FSTL4: variants seen among roughly 807,000 people sequenced by gnomAD.
The protein encoded by FSTL4 is follistatin-related protein 4.
In FSTL4, 28 loss-of-function variants were observed where a neutral mutation model predicts 78.2. The ratio of observed to expected loss-of-function variants is 0.36; its 90% CI spans 0.27 to 0.49. FSTL4 has a LOEUF of 0.49. Among genes scored for constraint, FSTL4 ranks in the 20% least tolerant of loss-of-function variants. The pLI is 0.98. For missense variants in FSTL4, 922 were observed against 1,084.9 expected (o/e 0.85, Z 2.11); for synonymous variants, 422 against 440.5 (o/e 0.96, Z 0.53).
chr5:133,338,670 A>G lies in FSTL4; in HGVS notation c.410-22018T>C, dbSNP rs1480975051. 1.3e-5 allele frequency among the ~76,000 whole-genome samples: 2 copies of G among 151,928 alleles called. No homozygotes were observed. The highest frequency in any genetic ancestry group is 4.8e-5 in the African/African-American group (2 of 41,332). On this transcript the variant is annotated intron_variant, in intron 4 of 15. Transcript: ENST00000265342. The surrounding 1 kb of genome is among the most constrained non-coding windows in gnomAD (Gnocchi z 4.0). ...GCCTGACATTTCCCCACATTGTCCC[A>G]CAGGCCCCTCAACTCAACATGGCCC...
intron 3 of FSTL4, among the ~76,000 whole-genome samples, chr5:133,421,930 A>G (rs1756705144): frequency 6.6e-6 from 1 of 152,206 alleles, no homozygotes; most frequent in Admixed American, 6.5e-5. Context: ...CCATGAAGAA[A>G]AAGAAAACTA....
the FSTL4 span, among the ~76,000 whole-genome samples, chr5:133,658,143 T>C: frequency 6.6e-6 from 1 of 152,182 alleles, no homozygotes; most frequent in Non-Finnish European, 1.5e-5. Flanking sequence ...CTTGATTGCA[T>C]GTTTTAAAAG....
chr5:133,825,929 C>T, the FSTL4 span, among the ~76,000 whole-genome samples: 6 of 152,236 alleles, frequency 3.9e-5, no homozygotes, highest in African/African-American at 9.6e-5. Flanking sequence ...AACCCATCCC[C>T]GGCTGCTATT....
chr5:133,614,977 A>G (rs1187022174), upstream of FSTL4, among the ~76,000 whole-genome samples: 1 of 151,668 alleles, frequency 6.6e-6, no homozygotes, highest in Non-Finnish European at 1.5e-5. Flanking sequence ...TCTATTTCTA[A>G]TCCTTACCAA....
intron 3 of FSTL4, among the ~76,000 whole-genome samples, chr5:133,501,490 A>C (rs1039804229): frequency 6.6e-6 from 1 of 152,060 alleles, no homozygotes; most frequent in African/African-American, 2.4e-5. Context: ...AATACTCAAA[A>C]CTGGAGGAAG....
chr5:133,533,133 TCATGATGTAGCTTTCACAATCTA>T (rs1759288996), intron 3 of FSTL4, among the ~76,000 whole-genome samples: 1 of 152,188 alleles, frequency 6.6e-6, no homozygotes, highest in Non-Finnish European at 1.5e-5. Context: ...ATCCTCATGG[TCATGATGTAGCTTTCACAATCTA>T]CATGATGTAG....
At chr5:133,333,534 T>A (rs1321777415) in intron 4 of FSTL4, among the ~76,000 whole-genome samples, 6 of 152,342 alleles carry the variant, frequency 3.9e-5, no homozygotes, top group Non-Finnish European at 8.8e-5. Flanking sequence ...ACTAACACAC[T>A]GGCACATCCT....
chr5:133,814,208 C>T, the FSTL4 span, among the ~76,000 whole-genome samples: 1 of 152,158 alleles, frequency 6.6e-6, no homozygotes, highest in Non-Finnish European at 1.5e-5. Flanking sequence ...TGAGTTTTTC[C>T]TGAGGGCTGG....
At position 133,236,414 on chromosome 5, in the gene FSTL4, C is replaced by T. The variant is rs529919245; in HGVS notation, c.895-2877G>A. 3.9e-4 allele frequency among the ~76,000 whole-genome samples: 58 copies of T among 147,344 alleles called. No homozygotes were observed. The highest frequency in any genetic ancestry group is 7.8e-4 in the Non-Finnish European group (53 of 67,910). ...CACGTCACCTTGTATGTATTTAATCCTCAGGAAAAAAAAAACCCTGAAAAC... is the reference window on the plus strand; with the variant it reads ...CACGTCACCTTGTATGTATTTAATCTTCAGGAAAAAAAAAACCCTGAAAAC... On this transcript the variant is annotated intron_variant, in intron 7 of 15. Coordinates refer to ENST00000265342, the MANE Select transcript of FSTL4 (RefSeq NM_015082.2). The surrounding 1 kb of genome is among the most constrained non-coding windows in gnomAD (Gnocchi z 5.0).
At chr5:133,502,121 C>T (rs1223058881) in intron 3 of FSTL4, among the ~76,000 whole-genome samples, 1 of 152,204 alleles carries the variant, frequency 6.6e-6, no homozygotes, top group Non-Finnish European at 1.5e-5. Flanking sequence ...GCCTCCAGAA[C>T]TGTGAGAGAA....
chr5:133,682,241 A>G, the FSTL4 span, among the ~76,000 whole-genome samples: 2 of 152,214 alleles, frequency 1.3e-5, no homozygotes, highest in East Asian at 1.9e-4. Context: ...AGCAGAGAAA[A>G]CTTGCCAGGG....
intron 2 of FSTL4, among the ~76,000 whole-genome samples, chr5:133,571,911 A>T (rs1760163882): frequency 6.6e-6 from 1 of 152,208 alleles, no homozygotes. Context: ...TAACATCATG[A>T]AGAGTTCTAA....
At chr5:133,320,434 C>T (rs1000584571) in intron 4 of FSTL4, among the ~76,000 whole-genome samples, 1 of 152,136 alleles carries the variant, frequency 6.6e-6, no homozygotes, top group Non-Finnish European at 1.5e-5. Context: ...CTCCCCTCTT[C>T]CAGCTTCAAA....
At chr5:133,337,975 G>A (rs543153877) in intron 4 of FSTL4, among the ~76,000 whole-genome samples, 17 of 152,338 alleles carry the variant, frequency 1.1e-4, no homozygotes, top group Non-Finnish European at 1.8e-4. Flanking sequence ...TTAAAATTGT[G>A]TGGCCTTAGA....
intron 3 of FSTL4, among the ~76,000 whole-genome samples, chr5:133,525,876 G>C (rs1299089280): frequency 6.6e-6 from 1 of 152,152 alleles, no homozygotes; most frequent in Non-Finnish European, 1.5e-5. Flanking sequence ...TCAGCCAGTG[G>C]GAACTGTCAA....
intron 4 of FSTL4, among the ~76,000 whole-genome samples, chr5:133,393,866 C>T (rs573331673): frequency 1.3e-4 from 20 of 152,384 alleles, no homozygotes; most frequent in African/African-American, 1.9e-4. Context: ...TAATGACCTG[C>T]GGAGCAGGGA....
At chr5:133,791,280 A>G in the FSTL4 span, among the ~76,000 whole-genome samples, 7 of 136,286 alleles carry the variant, frequency 5.1e-5, no homozygotes, top group Non-Finnish European at 7.6e-5. Flanking sequence ...ATGTGCGTGC[A>G]CACACACACA....
chr5:133,690,704 G>A, the FSTL4 span, among the ~76,000 whole-genome samples: 11 of 152,334 alleles, frequency 7.2e-5, no homozygotes, highest in South Asian at 4.1e-4. Flanking sequence ...TGATGTGAAC[G>A]TTTTGTGGCT....
At chr5:133,363,831 CCT>C (rs1455017625) in intron 4 of FSTL4, among the ~76,000 whole-genome samples, 3 of 152,160 alleles carry the variant, frequency 2.0e-5, no homozygotes, top group East Asian at 3.9e-4. Context: ...CCTGCCCACC[CCT>C]GTCTTTCCAT....
Sources: gnomAD v4.1 joint callset for allele counts (sites outside exome capture counted in the v4.1 genomes callset) on GRCh38, gnomAD v4.1.1 for gene constraint, Gnocchi (gnomAD v3.1) non-coding constraint, MANE v1.5 for transcripts, NCBI Gene and HGNC (gene_info 2026-07-23, HGNC 2026-07-21) for gene names.